The following DBH variants were observed in gnomAD, a reference collection of about 807,000 sequenced individuals.
DBH encodes dopamine beta-hydroxylase (dopamine beta-monooxygenase).
In DBH, 49 loss-of-function variants were observed where a neutral mutation model predicts 64.0. The observed-to-expected ratio is 0.77, with a 90% CI of 0.61 to 0.97. The LOEUF (loss-of-function observed/expected upper bound fraction) is 0.97. Among genes scored for constraint, DBH ranks in the 50% least tolerant of loss-of-function variants. The probability of loss-of-function intolerance (pLI) is 0.00; values close to 1 mark genes in which losing one functional copy is unlikely to be tolerated. For synonymous variants in DBH, 343 were observed against 347.1 expected, an observed-to-expected ratio of 0.99 and a Z score of 0.13; for missense variants, 828 against 826.6, an observed-to-expected ratio of 1.00 and a Z score of -0.02.
Position 133,652,286 on chromosome 9 carries a change from T to C in DBH, c.1374+2T>C, listed in dbSNP as rs1257357653. The C allele has an allele frequency of 1.2e-6, 2 of 1,613,150 alleles. No individual in the cohort carries two copies. Among genetic ancestry groups the C allele is most frequent in the African/African-American group, 2.7e-5 (2 of 74,872 alleles). ...AAGAAGGTCGTGTCGGTCCATCCGG[T>C]GAGTGCCCAGCGGGAAGGCTGTCCC... On this transcript the variant is annotated splice_donor_variant, in intron 8 of 11. Transcript: ENST00000393056. LOFTEE classifies it high-confidence loss of function.
intron 5 of DBH, among the ~76,000 whole-genome samples, chr9:133,645,211 G>A (rs1157297249): frequency 6.6e-6 from 1 of 150,710 alleles, no homozygotes; most frequent in Non-Finnish European, 1.5e-5. Flanking sequence ...CTGTGGGCAC[G>A]GGGCTGTGCT....
chr9:133,641,254 G>A (rs1329612326), intron 2 of DBH, among the ~76,000 whole-genome samples: 12 of 152,230 alleles, frequency 7.9e-5, no homozygotes, highest in Admixed American at 3.3e-4. Context: ...ACGGGGAGTG[G>A]ATGTACCCAG....
In DBH at chr9:133,643,614, G is replaced by T. The variant is rs772263437; in HGVS notation, c.921+25G>T. ...GGTGCGTGCCCTGCGACCCCAGCATGGTGTCTCCTGCCTGGGCCCCTGGCA... is the reference window on the plus strand; with the variant it reads ...GGTGCGTGCCCTGCGACCCCAGCATTGTGTCTCCTGCCTGGGCCCCTGGCA... On this transcript the variant is annotated intron_variant, in intron 4 of 11. Transcript: ENST00000393056. This position sits in a 1 kb window ranked among gnomAD's most constrained non-coding sequence, Gnocchi z 5.3. 6.2e-7 allele frequency: 1 copy of T among 1,612,212 alleles called. No homozygotes were observed. Among genetic ancestry groups the T allele is most frequent in the African/African-American group, 1.3e-5 (1 of 74,978 alleles).
rs774917659 is a variant in DBH, at chr9:133,642,380, T to C, written c.660T>C (p.Asn220=). The part of the protein sequence containing the change: ...DACTMEVQAP[N]IQIPSQETTY... ...GCACCATGGAGGTCCAAGCTCCCAATATCCAGATCCCCAGCCAGGAGACCA... is the reference window on the plus strand; with the variant it reads ...GCACCATGGAGGTCCAAGCTCCCAACATCCAGATCCCCAGCCAGGAGACCA... The change falls in exon 3 of 12, where the codon AAT becomes AAC. Residue 220 remains asparagine (N), a synonymous_variant. Coordinates refer to ENST00000393056, the MANE Select transcript of DBH (RefSeq NM_000787.4). 4 of 1,613,970 alleles carry C rather than the reference T, an allele frequency of 2.5e-6. No individual in the cohort carries two copies. The highest frequency in any genetic ancestry group is 1.3e-5 in the African/African-American group (1 of 74,908).
At chr9:133,651,815 C>T in intron 7 of DBH, 38 bp downstream of exon 7, 1 of 1,520,516 alleles carries the variant, frequency 6.6e-7, no homozygotes, top group East Asian at 2.5e-5. Context: ...CGCCCCCACA[C>T]CCTGCCACCA....
At chr9:133,646,252 C>T (rs3025408) in intron 5 of DBH, among the ~76,000 whole-genome samples, 10,881 of 152,164 alleles carry the variant, frequency 0.072, 403 homozygotes, top group Non-Finnish European at 0.088. Flanking sequence ...CACTCCTTGC[C>T]GCCTGACATC....
intron 8 of DBH, 74 bp from the exon 9 acceptor site, chr9:133,652,866 C>A: frequency 9.5e-7 from 1 of 1,051,872 alleles, no homozygotes; most frequent in Non-Finnish European, 1.5e-6. Context: ...TGGCGTGGTC[C>A]TATGGGGGCG....
At chr9:133,657,497 GGAGAGAGAGAGA>G (rs149061808) in intron 11 of DBH, among the ~76,000 whole-genome samples, 11 of 143,118 alleles carry the variant, frequency 7.7e-5, no homozygotes, top group East Asian at 4.1e-4. Flanking sequence ...GAGAGAGAGA[GGAGAGAGAGAGA>G]GAGAGAGAGG....
chr9:133,650,714 A>G (rs146431769), intron 6 of DBH, among the ~76,000 whole-genome samples: 351 of 151,272 alleles, frequency 2.3e-3, no homozygotes, highest in African/African-American at 8.1e-3. Flanking sequence ...TGCCCGGCCA[A>G]TTTTTGTATT....
chr9:133,652,130 C>T, intron 7 of DBH, 116 bp from the exon 8 acceptor site: 1 of 1,215,350 alleles, frequency 8.2e-7, no homozygotes, highest in South Asian at 1.2e-5. Flanking sequence ...GAGGCTGGGG[C>T]AAAATGGACA....
At position 133,644,480 on chromosome 9, in the gene DBH, C is replaced by T. The variant is rs575046622; in HGVS notation, c.1024+160C>T. Among the ~76,000 whole-genome samples, 476 of 152,368 alleles carry T rather than the reference C, an allele frequency of 3.1e-3. 2 individuals are homozygous for T. Among genetic ancestry groups the T allele is most frequent in the African/African-American group, 0.01 (425 of 41,586 alleles). ...TCTGCCTCATCCGCTGTCCATCTTC[C>T]ATGGCTGTGGTGGGCTCCCAGGGAC... is the stretch of plus-strand genomic sequence containing the variant. On this transcript the variant is annotated intron_variant, in intron 5 of 11. Coordinates refer to ENST00000393056, the MANE Select transcript of DBH (RefSeq NM_000787.4).
At chr9:133,639,309 A>C (rs577887243) in intron 1 of DBH, among the ~76,000 whole-genome samples, 5 of 151,992 alleles carry the variant, frequency 3.3e-5, no homozygotes, top group African/African-American at 1.2e-4. Flanking sequence ...GTGCCAGTGC[A>C]GGGTGGGCAC....
chr9:133,654,313 AG>A (rs1312292276), intron 9 of DBH, among the ~76,000 whole-genome samples: 2 of 152,130 alleles, frequency 1.3e-5, no homozygotes, highest in Admixed American at 6.5e-5. Flanking sequence ...CATGTTGGCC[AG>A]GCTGGTCTCA....
chr9:133,653,115 TA>T, intron 9 of DBH, 116 bp downstream of exon 9: 1 of 822,998 alleles, frequency 1.2e-6, no homozygotes, highest in Middle Eastern at 2.2e-4. Context: ...GTCCCCTCAA[TA>T]AGCCAGTCGT....
At chr9:133,646,550 A>G (rs1166906895) in intron 5 of DBH, among the ~76,000 whole-genome samples, 1 of 152,026 alleles carries the variant, frequency 6.6e-6, no homozygotes, top group Admixed American at 6.5e-5. Flanking sequence ...TTTGAGACGA[A>G]ATCTCACTCT....
In DBH at chr9:133,657,457, AGG is replaced by A. The variant is rs1491352610; in HGVS notation, c.1722+230_1722+231del. On this transcript the variant is annotated intron_variant, in intron 11 of 11. Transcript: ENST00000393056. Reference sequence around the variant, plus strand: ...AGGAGAGAGAGGAGAGAGAGGAGAGAGGGAGAGGGAGAGAGGGAGAGGGAGAG... The same window carrying A: ...AGGAGAGAGAGGAGAGAGAGGAGAGAGAGAGGGAGAGAGGGAGAGGGAGAG... 1,071 of 286,756 alleles carry A rather than the reference AGG, an allele frequency of 3.7e-3. 14 individuals carry two copies. The highest frequency in any genetic ancestry group is 0.034 in the African/African-American group (868 of 25,656). The allele number at this position is 286,756 out of a possible 1,614,324, so 17.8% of individuals were successfully genotyped here.
At chr9:133,645,210 C>T (rs1343142387) in intron 5 of DBH, among the ~76,000 whole-genome samples, 4 of 150,752 alleles carry the variant, frequency 2.7e-5, no homozygotes, top group African/African-American at 7.3e-5. Context: ...GCTGTGGGCA[C>T]GGGGCTGTGC....
At chr9:133,644,180 A>C in intron 4 of DBH, 38 bp from the exon 5 acceptor site, 1 of 1,528,778 alleles carries the variant, frequency 6.5e-7, no homozygotes, top group Non-Finnish European at 9.1e-7. Flanking sequence ...GGGCCCTCTC[A>C]GGACACACCC....
At chr9:133,654,085 A>G (rs1832283305) in intron 9 of DBH, among the ~76,000 whole-genome samples, 1 of 148,186 alleles carries the variant, frequency 6.7e-6, no homozygotes, top group Non-Finnish European at 1.5e-5. Flanking sequence ...TACTGAGCCC[A>G]GACTGCCAGT....
Sources: gnomAD v4.1 joint callset for allele counts (sites outside exome capture counted in the v4.1 genomes callset) on GRCh38, gnomAD v4.1.1 for gene constraint, Gnocchi (gnomAD v3.1) non-coding constraint, MANE v1.5 for transcripts, NCBI Gene and HGNC (gene_info 2026-07-23, HGNC 2026-07-21) for gene names.